The following CNTNAP2 variants were observed in gnomAD, a reference collection of about 807,000 sequenced individuals.
The protein encoded by CNTNAP2 is contactin-associated protein-like 2.
Under a neutral mutation model 155.2 loss-of-function variants are expected in CNTNAP2, and 98 were observed. That is an observed-to-expected ratio of 0.63 (90% confidence interval 0.54 to 0.75). The LOEUF is 0.75. Ranked by LOEUF, CNTNAP2 falls within the 30% of genes least tolerant of loss-of-function variation. The probability of loss-of-function intolerance (pLI) is 0.00; values close to 1 mark genes in which losing one functional copy is unlikely to be tolerated. For missense variants in CNTNAP2, 1,727 were observed against 1,688.1 expected (o/e 1.02, Z -0.40); for synonymous variants, 651 against 631.2 (o/e 1.03, Z -0.47).
At chr7:146,469,428 A>T (rs1405546438) in intron 1 of CNTNAP2, among the ~76,000 whole-genome samples, 1 of 151,652 alleles carries the variant, frequency 6.6e-6, no homozygotes, top group Non-Finnish European at 1.5e-5. Context: ...CAGAATATGT[A>T]TAACCATTTC....
At chr7:146,367,994 C>T (rs1446223869) in intron 1 of CNTNAP2, among the ~76,000 whole-genome samples, 1 of 152,102 alleles carries the variant, frequency 6.6e-6, no homozygotes, top group African/African-American at 2.4e-5. Flanking sequence ...GAAAAGAATC[C>T]ATTTCATCAA....
At chr7:146,904,550 C>A (rs148627326) in intron 3 of CNTNAP2, among the ~76,000 whole-genome samples, 6 of 152,142 alleles carry the variant, frequency 3.9e-5, no homozygotes, top group Non-Finnish European at 8.8e-5. Context: ...CGGCTCACTG[C>A]AAGCTGCGCC....
chr7:147,514,121 A>G (rs1289619248), intron 11 of CNTNAP2, among the ~76,000 whole-genome samples: 3 of 152,238 alleles, frequency 2.0e-5, no homozygotes, highest in Non-Finnish European at 1.5e-5. Flanking sequence ...TGAAAAAATT[A>G]GAAAAAAATA....
At chr7:146,668,443 T>TGG (rs1800238183) in intron 1 of CNTNAP2, among the ~76,000 whole-genome samples, 2 of 59,732 alleles carry the variant, frequency 3.3e-5, no homozygotes, top group Non-Finnish European at 5.6e-5. Context: ...TGTGTGTGTG[T>TGG]GTGTGTGTGT....
intron 3 of CNTNAP2, among the ~76,000 whole-genome samples, chr7:147,034,589 C>T (rs1440928264): frequency 6.6e-6 from 1 of 152,062 alleles, no homozygotes; most frequent in Non-Finnish European, 1.5e-5. Flanking sequence ...CTTTCTGTAC[C>T]CTGGGTTCTT....
At chr7:146,448,015 C>T (rs1796426526) in intron 1 of CNTNAP2, among the ~76,000 whole-genome samples, 1 of 151,836 alleles carries the variant, frequency 6.6e-6, no homozygotes, top group African/African-American at 2.4e-5. Flanking sequence ...AAGAGCTTAT[C>T]TTTTTTCAAC....
chr7:147,590,207 A>T (rs1172582243), intron 12 of CNTNAP2, among the ~76,000 whole-genome samples: 1 of 152,044 alleles, frequency 6.6e-6, no homozygotes, highest in Non-Finnish European at 1.5e-5. Context: ...TCTTTTATTT[A>T]TTTTTTATTT....
chr7:146,789,543 C>A (rs1802634240), intron 2 of CNTNAP2, among the ~76,000 whole-genome samples: 1 of 147,854 alleles, frequency 6.8e-6, no homozygotes, highest in African/African-American at 2.5e-5. Context: ...AAAGCCTAGC[C>A]AAAATTGAAA....
intron 21 of CNTNAP2, among the ~76,000 whole-genome samples, chr7:148,383,070 C>T (rs1462852576): frequency 6.6e-6 from 1 of 152,148 alleles, no homozygotes; most frequent in Non-Finnish European, 1.5e-5. Context: ...GGGAAAGTTT[C>T]CTGACTGCCA....
intron 16 of CNTNAP2, among the ~76,000 whole-genome samples, chr7:148,123,708 C>A: frequency 1.7e-4 from 25 of 147,348 alleles, no homozygotes; most frequent in African/African-American, 5.4e-4. Context: ...AAGAGAGAAA[C>A]AGAGAAAGAA....
intron 13 of CNTNAP2, among the ~76,000 whole-genome samples, chr7:147,707,250 G>A (rs542857530): frequency 5.3e-5 from 8 of 152,094 alleles, no homozygotes; most frequent in East Asian, 1.9e-4. Context: ...TTCTTCTTCC[G>A]GGTTTTTGAA....
intron 1 of CNTNAP2, among the ~76,000 whole-genome samples, chr7:146,741,853 G>C (rs933161820): frequency 1.3e-5 from 2 of 152,074 alleles, no homozygotes; most frequent in Admixed American, 1.3e-4. Context: ...GGAATGGAGA[G>C]GGTACCGAAG....
intron 12 of CNTNAP2, among the ~76,000 whole-genome samples, chr7:147,568,195 A>G (rs1800214065): frequency 6.6e-6 from 1 of 152,256 alleles, no homozygotes; most frequent in Admixed American, 6.5e-5. Flanking sequence ...TCAAAAAAAA[A>G]AAGGAAAATA....
intron 12 of CNTNAP2, among the ~76,000 whole-genome samples, chr7:147,597,806 G>A (rs62483176): frequency 0.4 from 60,945 of 152,034 alleles, 12,168 homozygotes; most frequent in Admixed American, 0.44. Context: ...CTGATAGTTC[G>A]GAAACGTGTG....
chr7:147,315,053 A>G (rs912264696), intron 9 of CNTNAP2, among the ~76,000 whole-genome samples: 4 of 146,512 alleles, frequency 2.7e-5, no homozygotes, highest in South Asian at 2.2e-4. Flanking sequence ...AAGATAATAC[A>G]TGTTTCATAC....
At chr7:146,486,046 CTTTTTTTTTTTTTTTTTTTTTTTTTT>C (rs71175651) in intron 1 of CNTNAP2, among the ~76,000 whole-genome samples, 18 of 42,572 alleles carry the variant, frequency 4.2e-4, no homozygotes, top group Non-Finnish European at 6.1e-4. Flanking sequence ...CCACAGCAGT[CTTTTTTTTTTTTTTTTTTTTTTTTTT>C]TTTTTTTTTT....
intron 3 of CNTNAP2, among the ~76,000 whole-genome samples, chr7:146,846,051 T>C (rs1189155637): frequency 2.6e-5 from 4 of 152,196 alleles, no homozygotes; most frequent in African/African-American, 9.6e-5. Flanking sequence ...AGTTCAATGG[T>C]GTACTTAGAT....
chr7:147,544,343 G>A (rs1291049670), intron 11 of CNTNAP2, among the ~76,000 whole-genome samples: 1 of 152,042 alleles, frequency 6.6e-6, no homozygotes, highest in African/African-American at 2.4e-5. Context: ...AAAATTTCAG[G>A]CTCCTGGTAA....
chr7:147,257,732 A>T (rs1297585732), intron 8 of CNTNAP2, among the ~76,000 whole-genome samples: 1 of 152,226 alleles, frequency 6.6e-6, no homozygotes, highest in Non-Finnish European at 1.5e-5. Context: ...GAAGGAAGTT[A>T]AGGATCTTTT....
Sources: gnomAD v4.1 joint callset for allele counts (sites outside exome capture counted in the v4.1 genomes callset) on GRCh38, gnomAD v4.1.1 for gene constraint, MANE v1.5 for transcripts, NCBI Gene and HGNC (gene_info 2026-07-23, HGNC 2026-07-21) for gene names.